Variants in EBF1 observed in about 807,000 individuals in gnomAD.
The protein encoded by EBF1 is transcription factor COE1.
A neutral mutation model predicts 68.4 loss-of-function variants in EBF1; 10 were observed. The ratio of observed to expected loss-of-function variants is 0.15; its 90% CI spans 0.09 to 0.25. The LOEUF (loss-of-function observed/expected upper bound fraction) is 0.25, where lower values mean the gene tolerates loss of function less well. Ranked by LOEUF, EBF1 falls within the 10% of genes least tolerant of loss-of-function variation. The pLI is 1.00. For missense variants in EBF1, 509 were observed against 794.4 expected, an observed-to-expected ratio of 0.64 and a Z score of 4.32; for synonymous variants, 298 against 299.8, an observed-to-expected ratio of 0.99 and a Z score of 0.06.
intron 6 of EBF1, among the ~76,000 whole-genome samples, chr5:158,918,157 G>A (rs1807625073): frequency 6.6e-6 from 1 of 152,166 alleles, no homozygotes; most frequent in Non-Finnish European, 1.5e-5. Flanking sequence ...TTTGTTTAAA[G>A]AATTCCACTG....
chr5:158,814,051 A>C (rs1017681344), intron 8 of EBF1, among the ~76,000 whole-genome samples: 3 of 152,230 alleles, frequency 2.0e-5, no homozygotes, highest in Non-Finnish European at 4.4e-5. Flanking sequence ...AAAAAAAATT[A>C]GGCTTAAAAA....
intron 10 of EBF1, among the ~76,000 whole-genome samples, chr5:158,771,154 A>G (rs1473397117): frequency 1.3e-5 from 2 of 152,182 alleles, no homozygotes; most frequent in South Asian, 2.1e-4. Flanking sequence ...TGACACATAC[A>G]TAACATCAAA....
At chr5:158,827,264 A>G (rs1786374313) in intron 7 of EBF1, among the ~76,000 whole-genome samples, 1 of 152,242 alleles carries the variant, frequency 6.6e-6, no homozygotes, top group Non-Finnish European at 1.5e-5. Flanking sequence ...AATTTTAAAT[A>G]AAAGGATACA....
intron 10 of EBF1, among the ~76,000 whole-genome samples, chr5:158,751,970 A>G (rs1276186507): frequency 2.0e-5 from 3 of 152,042 alleles, no homozygotes; most frequent in Non-Finnish European, 4.4e-5. Flanking sequence ...CCATCCATAC[A>G]TTTTTATCTA....
chr5:158,940,467 GA>G (rs1253038122), intron 6 of EBF1, among the ~76,000 whole-genome samples: 1 of 152,152 alleles, frequency 6.6e-6, no homozygotes, highest in Non-Finnish European at 1.5e-5. Flanking sequence ...TGATGGGAAG[GA>G]TCAGTAAACA....
intron 6 of EBF1, among the ~76,000 whole-genome samples, chr5:158,975,789 T>G (rs574062025): frequency 3.6e-4 from 55 of 152,312 alleles, no homozygotes; most frequent in Non-Finnish European, 6.2e-4. Flanking sequence ...TTTCACATTT[T>G]TATATTGTAG....
chr5:158,960,316 T>C (rs1012884550), intron 6 of EBF1, among the ~76,000 whole-genome samples: 1 of 152,214 alleles, frequency 6.6e-6, no homozygotes, highest in Admixed American at 6.5e-5. Context: ...AAAATTGCTG[T>C]ATCTAATTTA....
chr5:158,912,275 C>T (rs149002137), intron 6 of EBF1, among the ~76,000 whole-genome samples: 1 of 152,302 alleles, frequency 6.6e-6, no homozygotes, highest in African/African-American at 2.4e-5. Context: ...CAGGGACTTA[C>T]CCACCAAAGT....
At chr5:158,975,784 CA>C (rs892334847) in intron 6 of EBF1, among the ~76,000 whole-genome samples, 1 of 152,204 alleles carries the variant, frequency 6.6e-6, no homozygotes, top group African/African-American at 2.4e-5. Flanking sequence ...ACATTTTTCA[CA>C]TTTTTATATT....
chr5:158,721,363 G>A (rs1335051324), intron 11 of EBF1, among the ~76,000 whole-genome samples: 2 of 152,052 alleles, frequency 1.3e-5, no homozygotes, highest in African/African-American at 2.4e-5. Flanking sequence ...ACTAACTTAC[G>A]TGATTGACTT....
At chr5:158,978,625 ATTT>A (rs11358125) in intron 6 of EBF1, among the ~76,000 whole-genome samples, 1 of 149,538 alleles carries the variant, frequency 6.7e-6, no homozygotes, top group African/African-American at 2.5e-5. Flanking sequence ...CAGTGACATC[ATTT>A]TTTTTTTTTT....
At chr5:158,921,900 G>A (rs1297217181) in intron 6 of EBF1, among the ~76,000 whole-genome samples, 2 of 152,168 alleles carry the variant, frequency 1.3e-5, no homozygotes, top group Non-Finnish European at 2.9e-5. Context: ...TCTATCTTTG[G>A]TTTATTGAAC....
At chr5:159,035,450 A>C (rs1769843164) in intron 6 of EBF1, among the ~76,000 whole-genome samples, 1 of 152,212 alleles carries the variant, frequency 6.6e-6, no homozygotes, top group South Asian at 2.1e-4. Flanking sequence ...TTATCAGCAG[A>C]AATTTGACGT....
In EBF1 at chr5:158,837,943, C is replaced by G. The variant is rs138050926; in HGVS notation, c.636+2086G>C. On this transcript the variant is annotated intron_variant, in intron 7 of 15. Transcript: ENST00000313708. ...AGAAATATAAGGTTCATGTCAAGAC[C>G]AAAGCAAGCTACAAAACAGTTTATT... is the stretch of plus-strand genomic sequence containing the variant. Among the ~76,000 whole-genome samples, 455 of 152,240 alleles carry G rather than the reference C, an allele frequency of 3.0e-3. 2 individuals carry two copies. Among genetic ancestry groups the G allele is most frequent in the African/African-American group, 9.8e-3 (408 of 41,546 alleles).
intron 6 of EBF1, among the ~76,000 whole-genome samples, chr5:158,949,170 T>A (rs1449204583): frequency 2.6e-5 from 4 of 152,256 alleles, no homozygotes; most frequent in Non-Finnish European, 4.4e-5. Flanking sequence ...TTCTATATAA[T>A]TCCCCAACTT....
At chr5:158,968,569 GAGAA>G (rs762667207) in intron 6 of EBF1, among the ~76,000 whole-genome samples, 1 of 152,194 alleles carries the variant, frequency 6.6e-6, no homozygotes, top group African/African-American at 2.4e-5. Flanking sequence ...CAGGAAAAAA[GAGAA>G]AGAATTAACT....
chr5:158,872,605 C>G (rs1170803273), intron 6 of EBF1, among the ~76,000 whole-genome samples: 2 of 152,216 alleles, frequency 1.3e-5, no homozygotes, highest in Admixed American at 1.3e-4. Flanking sequence ...ACACAATTCA[C>G]TCTTGTCAAG....
At chr5:159,051,455 C>G (rs1258011846) in intron 6 of EBF1, among the ~76,000 whole-genome samples, 1 of 144,572 alleles carries the variant, frequency 6.9e-6, no homozygotes, top group Non-Finnish European at 1.5e-5. Context: ...ACCCCGCCGC[C>G]CGGCGGCTGA....
chr5:158,899,174 A>G (rs1362491487), intron 6 of EBF1, among the ~76,000 whole-genome samples: 2 of 152,258 alleles, frequency 1.3e-5, no homozygotes, highest in African/African-American at 4.8e-5. Flanking sequence ...TCTGCCTTGC[A>G]TATGCCTAGA....
Sources: allele counts gnomAD v4.1 joint callset (sites outside exome capture counted in the v4.1 genomes callset), GRCh38; gene constraint gnomAD v4.1.1; transcripts MANE v1.5; gene names NCBI Gene and HGNC (gene_info 2026-07-23, HGNC 2026-07-21).